SNAI2: variants seen among roughly 807,000 people sequenced by gnomAD.
SNAI2 encodes zinc finger protein SNAI2.
A neutral mutation model predicts 22.4 loss-of-function variants in SNAI2; 2 were observed. The observed-to-expected ratio is 0.09, with a 90% CI of 0.04 to 0.28. SNAI2 has a LOEUF of 0.28. Among genes scored for constraint, SNAI2 ranks in the 10% least tolerant of loss-of-function variants. The probability of loss-of-function intolerance (pLI) is 1.00; values close to 1 mark genes in which losing one functional copy is unlikely to be tolerated. For missense variants in SNAI2, 239 were observed against 320.8 expected, an observed-to-expected ratio of 0.75 and a Z score of 1.95; for synonymous variants, 134 against 123.0, an observed-to-expected ratio of 1.09 and a Z score of -0.59.
At chr8:48,920,601 G>A (rs571712707) in intron 1 of SNAI2, among the ~76,000 whole-genome samples, 160 bp from the exon 2 acceptor site, 56 of 152,304 alleles carry the variant, frequency 3.7e-4, no homozygotes, top group African/African-American at 1.3e-3. Context: ...CTGGTAAAAT[G>A]TTTCATTTCC....
In SNAI2 at chr8:48,920,307, C is replaced by T. The variant is rs766684538; in HGVS notation, c.214G>A (p.Gly72Ser). 1 of 1,611,980 alleles carries T rather than the reference C, an allele frequency of 6.2e-7. No individual in the cohort carries two copies. Among genetic ancestry groups the T allele is most frequent in the Non-Finnish European group, 8.5e-7 (1 of 1,178,470 alleles). ...GAGTATCCGGAAAGAGGAGAGAGGC[C>T]ATTGGGTAGCTGGGCGTGGAATGGA... ...AAPFHAQLPN[G>S]LSPLSGYSSS... Residue 72 changes from glycine to serine, a missense_variant, in exon 2 of 3, where the codon GGC becomes AGC. By Grantham distance (56) the Gly-to-Ser change is moderately conservative. Transcript: ENST00000020945.
rs564738544 is a variant in SNAI2, at chr8:48,918,124, G to C, written c.*683C>G. The C allele has an allele frequency of 4.6e-5, 7 of 152,118 alleles. No individual in the cohort carries two copies. Among genetic ancestry groups the C allele is most frequent in the Admixed American group, 1.3e-4 (2 of 15,270 alleles). 9.4% of individuals were successfully genotyped at this position (152,118 alleles called of 1,614,324 possible). ...AAAATAGTAAGACAATGGAGCATGC[G>C]CCAGGAATGTTCAAAGCTAATCTTT... is the stretch of plus-strand genomic sequence containing the variant. On this transcript the variant is annotated 3_prime_UTR_variant, in exon 3 of 3. Transcript: ENST00000020945.
At chr8:48,919,102 C>A (rs1806121977) in intron 2 of SNAI2, 114 bp from the exon 3 acceptor site, 1 of 970,540 alleles carries the variant, frequency 1.0e-6, no homozygotes, top group Non-Finnish European at 1.6e-6. Context: ...TGAGAAGCAG[C>A]AAAACCTGAT....
chr8:48,918,743 T>G lies in SNAI2; in HGVS notation c.*64A>C. ...CACAGGAGAAAATGCCTTTGGACTT[T>G]ATTTGTCATTTGGCTTCGGAGTGAA... On this transcript the variant is annotated 3_prime_UTR_variant, in exon 3 of 3. Coordinates refer to ENST00000020945, the MANE Select transcript of SNAI2 (RefSeq NM_003068.5). 1 of 1,586,054 alleles carries G rather than the reference T, an allele frequency of 6.3e-7. No individual in the cohort carries two copies. Among genetic ancestry groups the G allele is most frequent in the Non-Finnish European group, 8.7e-7 (1 of 1,154,912 alleles).
intron 2 of SNAI2, among the ~76,000 whole-genome samples, chr8:48,919,625 A>C (rs2117648233): frequency 6.6e-6 from 1 of 152,358 alleles, no homozygotes; most frequent in East Asian, 1.9e-4. Context: ...ATTCAAGCAC[A>C]TCTTTCCTGA....
rs143616017 is a variant in SNAI2, at chr8:48,919,395, C to T, written c.626-407G>A. 2.5e-3 allele frequency among the ~76,000 whole-genome samples: 378 copies of T among 152,132 alleles called. 1 individual carries two copies. The highest frequency in any genetic ancestry group is 8.8e-3 in the African/African-American group (365 of 41,486). Reference sequence around the variant, plus strand: ...TACCCTGCAGAATAATTCTGTGATACGAATAAGAAATTAAGGAGCAAAAAA... The same window carrying T: ...TACCCTGCAGAATAATTCTGTGATATGAATAAGAAATTAAGGAGCAAAAAA... On this transcript the variant is annotated intron_variant, in intron 2 of 2. Transcript: ENST00000020945.
At chr8:48,919,547 C>T (rs1806129819) in intron 2 of SNAI2, among the ~76,000 whole-genome samples, 1 of 152,174 alleles carries the variant, frequency 6.6e-6, no homozygotes, top group African/African-American at 2.4e-5. Flanking sequence ...ATCTATTAAC[C>T]AAATCAATTG....
At position 48,921,349 on chromosome 8, in the gene SNAI2, C is replaced by A. The variant is rs1806159754; in HGVS notation, c.-84G>T. ...CGGTCCCTACAGCATCGCGGCGGGC[C>A]AGGCTCGGGCAGGGGCCGTGCTCAG... On this transcript the variant is annotated 5_prime_UTR_variant, in exon 1 of 3. Transcript: ENST00000020945. The A allele has an allele frequency of 1.9e-6, 2 of 1,028,900 alleles. No individual in the cohort carries two copies. Among genetic ancestry groups the A allele is most frequent in the South Asian group, 2.5e-5 (2 of 79,338 alleles). The allele number at this position is 1,028,900 out of a possible 1,614,324, so 63.7% of individuals were successfully genotyped here. A position where few individuals can be genotyped will look rare whatever the true frequency, so the allele number is the denominator to read the frequency against.
chr8:48,919,829 T>C (rs1585623144), intron 2 of SNAI2, 67 bp downstream of exon 2: 1 of 1,519,856 alleles, frequency 6.6e-7, no homozygotes, highest in Non-Finnish European at 9.1e-7. Context: ...TTCATGCAAA[T>C]CCAACAGCCA....
Position 48,920,186 on chromosome 8 carries a change from C to G in SNAI2, c.335G>C (p.Arg112Thr). 1 of 1,614,234 alleles carries G rather than the reference C, an allele frequency of 6.2e-7. No homozygotes were observed. The highest frequency in any genetic ancestry group is 8.5e-7 in the Non-Finnish European group (1 of 1,180,046). Reference protein sequence around the residue: ...SESPISDEEERLQSKLSDPHA... With the variant: ...SESPISDEEETLQSKLSDPHA... ...GGGGTCTGAAAGCTTGGACTGTAGTCTTTCCTCTTCATCACTAATGGGGCT... is the reference window on the plus strand; with the variant it reads ...GGGGTCTGAAAGCTTGGACTGTAGTGTTTCCTCTTCATCACTAATGGGGCT... Residue 112 changes from arginine (R) to threonine (T), a missense_variant, in exon 2 of 3, where the codon AGA becomes ACA. Arg to Thr is a moderately conservative substitution (Grantham distance 71). Coordinates refer to ENST00000020945, the MANE Select transcript of SNAI2 (RefSeq NM_003068.5).
chr8:48,919,718 T>C (rs148272360), intron 2 of SNAI2, among the ~76,000 whole-genome samples, 178 bp downstream of exon 2: 2,273 of 152,204 alleles, frequency 0.015, 23 homozygotes, highest in Middle Eastern at 0.048. Context: ...GGAGCAGAGG[T>C]TGTTAGCAAG....
intron 2 of SNAI2, 120 bp downstream of exon 2, chr8:48,919,776 A>T: frequency 9.4e-7 from 1 of 1,065,966 alleles, no homozygotes; most frequent in South Asian, 1.3e-5. Flanking sequence ...GTCAGGAAGT[A>T]GCTATCAATG....
At chr8:48,920,743 C>A (rs1304497047) in intron 1 of SNAI2, among the ~76,000 whole-genome samples, 2 of 152,166 alleles carry the variant, frequency 1.3e-5, no homozygotes, top group Non-Finnish European at 2.9e-5. Context: ...GAAGGAGAGC[C>A]TCAACATTAT....
rs1806104941 is a variant in SNAI2, at chr8:48,918,135, T to C, written c.*672A>G. 6.6e-6 allele frequency: 1 copy of C among 152,318 alleles called. No homozygotes were observed. The highest frequency in any genetic ancestry group is 1.5e-5 in the Non-Finnish European group (1 of 68,118). The allele number at this position is 152,318 out of a possible 1,614,324, so 9.4% of individuals were successfully genotyped here. A position where few individuals can be genotyped will look rare whatever the true frequency, so the allele number is the denominator to read the frequency against. ...ACAATGGAGCATGCGCCAGGAATGT[T>C]CAAAGCTAATCTTTCCCTCCTCCCC... On this transcript the variant is annotated 3_prime_UTR_variant, in exon 3 of 3. Transcript: ENST00000020945.
Position 48,918,746 on chromosome 8 carries a change from T to A in SNAI2, c.*61A>T. 2 of 1,590,446 alleles carry A rather than the reference T, an allele frequency of 1.3e-6. No individual in the cohort carries two copies. Among genetic ancestry groups the A allele is most frequent in the South Asian group, 2.2e-5 (2 of 90,376 alleles). On this transcript the variant is annotated 3_prime_UTR_variant, in exon 3 of 3. Coordinates refer to ENST00000020945, the MANE Select transcript of SNAI2 (RefSeq NM_003068.5). The stretch of plus-strand genomic sequence containing the variant: ...AGGAGAAAATGCCTTTGGACTTTAT[T>A]TGTCATTTGGCTTCGGAGTGAAGAA...
Position 48,918,772 on chromosome 8 carries a change from A to G in SNAI2, c.*35T>C, listed in dbSNP as rs1166250485. The G allele has an allele frequency of 1.2e-6, 2 of 1,612,316 alleles. No homozygotes were observed. Among genetic ancestry groups the G allele is most frequent in the Non-Finnish European group, 1.7e-6 (2 of 1,178,350 alleles). ...TGTCATTTGGCTTCGGAGTGAAGAA[A>G]TGCATTCTGTTCGAGTAAACATTGA... On this transcript the variant is annotated 3_prime_UTR_variant, in exon 3 of 3. Coordinates refer to ENST00000020945, the MANE Select transcript of SNAI2 (RefSeq NM_003068.5).
In SNAI2 at chr8:48,918,686, T is replaced by C; in HGVS notation, c.*121A>G. 1.2e-6 allele frequency: 1 copy of C among 844,340 alleles called. No homozygotes were observed. Among genetic ancestry groups the C allele is most frequent in the Non-Finnish European group, 2.0e-6 (1 of 496,502 alleles). The allele number at this position is 844,340 out of a possible 1,614,324, so 52.3% of individuals were successfully genotyped here. A position where few individuals can be genotyped will look rare whatever the true frequency, so the allele number is the denominator to read the frequency against. On this transcript the variant is annotated 3_prime_UTR_variant, in exon 3 of 3. Coordinates refer to ENST00000020945, the MANE Select transcript of SNAI2 (RefSeq NM_003068.5). Reference sequence around the variant, plus strand: ...GTGTGTGTGTGTGTGTGCATATGTGTGTGTGTCTATACATATTATTTGGTT... The same window carrying C: ...GTGTGTGTGTGTGTGTGCATATGTGCGTGTGTCTATACATATTATTTGGTT...
rs1585622698 is a variant in SNAI2, at chr8:48,918,556, C to G, written c.*251G>C. 2.0e-6 allele frequency: 1 copy of G among 494,822 alleles called. No individual in the cohort carries two copies. 30.7% of individuals were successfully genotyped at this position (494,822 alleles called of 1,614,324 possible). The stretch of plus-strand genomic sequence containing the variant: ...GAGAAAGGTTACTGTCTTTTATTCT[C>G]TCAATCTAGCCATCAGCAAATATAT... On this transcript the variant is annotated 3_prime_UTR_variant, in exon 3 of 3. Coordinates refer to ENST00000020945, the MANE Select transcript of SNAI2 (RefSeq NM_003068.5).
At position 48,918,792 on chromosome 8, in the gene SNAI2, C is replaced by T. The variant is rs1381039159; in HGVS notation, c.*15G>A. On this transcript the variant is annotated 3_prime_UTR_variant, in exon 3 of 3. Coordinates refer to ENST00000020945, the MANE Select transcript of SNAI2 (RefSeq NM_003068.5). ...AAGAAATGCATTCTGTTCGAGTAAA[C>T]ATTGATTGCGTCACTCAGTGTGCTA... is the stretch of plus-strand genomic sequence containing the variant. 6.2e-7 allele frequency: 1 copy of T among 1,613,664 alleles called. No homozygotes were observed.
Sources: gnomAD v4.1 joint callset for allele counts (sites outside exome capture counted in the v4.1 genomes callset) on GRCh38, gnomAD v4.1.1 for gene constraint, MANE v1.5 for transcripts, NCBI Gene and HGNC (gene_info 2026-07-23, HGNC 2026-07-21) for gene names.